Variants in TRIM37 observed in about 807,000 individuals in gnomAD.
TRIM37 encodes the protein E3 ubiquitin-protein ligase TRIM37.
Under a neutral mutation model 129.8 loss-of-function variants are expected in TRIM37, and 80 were observed. The ratio of observed to expected loss-of-function variants is 0.62; its 90% CI spans 0.51 to 0.74. TRIM37 has a LOEUF of 0.74. TRIM37 is among the 30% of genes least tolerant of loss of function. The pLI, the probability that TRIM37 is intolerant of heterozygous loss-of-function variation, is 0.00. For synonymous variants in TRIM37, 389 were observed against 387.1 expected, an observed-to-expected ratio of 1.00 and a Z score of -0.06; for missense variants, 1,054 against 1,176.5, an observed-to-expected ratio of 0.90 and a Z score of 1.52.
intron 17 of TRIM37, among the ~76,000 whole-genome samples, chr17:59,039,270 T>C (rs1271149534): frequency 1.3e-5 from 2 of 152,118 alleles, no homozygotes; most frequent in African/African-American, 2.4e-5. Flanking sequence ...TCAATTCCTA[T>C]GTTACCCTTC....
chr17:59,015,482 A>G (rs890899286), intron 21 of TRIM37, 128 bp downstream of exon 21: 1 of 975,474 alleles, frequency 1.0e-6, no homozygotes, highest in South Asian at 1.4e-5. Flanking sequence ...TAGTGCAATA[A>G]ATGTATTTTC....
intron 13 of TRIM37, among the ~76,000 whole-genome samples, chr17:59,052,132 A>G (rs991156923): frequency 2.6e-5 from 4 of 152,034 alleles, no homozygotes; most frequent in Non-Finnish European, 5.9e-5. Context: ...AGCTTAGGTT[A>G]GGAAAAAAAG....
intron 19 of TRIM37, among the ~76,000 whole-genome samples, chr17:59,024,719 T>A (rs1158980860): frequency 6.6e-6 from 1 of 152,218 alleles, no homozygotes; most frequent in Non-Finnish European, 1.5e-5. Context: ...TTTGTAGAGA[T>A]TAAGGTCTTG....
chr17:59,054,650 G>A (rs1370631188), intron 13 of TRIM37, among the ~76,000 whole-genome samples: 1 of 150,690 alleles, frequency 6.6e-6, no homozygotes, highest in East Asian at 2.0e-4. Flanking sequence ...GTTAAACAGG[G>A]CTGTTGTTTT....
At chr17:59,062,396 GACAA>G (rs1159310811) in intron 11 of TRIM37, among the ~76,000 whole-genome samples, 167 bp downstream of exon 11, 5 of 152,092 alleles carry the variant, frequency 3.3e-5, no homozygotes, top group East Asian at 1.9e-4. Context: ...ACAAGGTGTG[GACAA>G]ACAAACAGTT....
chr17:59,009,540 G>C (rs2034997047), intron 22 of TRIM37, among the ~76,000 whole-genome samples: 1 of 151,364 alleles, frequency 6.6e-6, no homozygotes, highest in Non-Finnish European at 1.5e-5. Context: ...CCGCCTCCCG[G>C]GTTCAAGCGA....
chr17:59,018,218 T>C (rs146016770), intron 19 of TRIM37, among the ~76,000 whole-genome samples: 28 of 152,038 alleles, frequency 1.8e-4, no homozygotes, highest in African/African-American at 6.5e-4. Flanking sequence ...ATTCAAAAGC[T>C]AGGAAGACAA....
chr17:58,977,816 C>T (rs916213043), downstream of TRIM37, among the ~76,000 whole-genome samples: 11 of 152,190 alleles, frequency 7.2e-5, no homozygotes, highest in Admixed American at 3.9e-4. Flanking sequence ...AATCTGGGCT[C>T]ACTGCAACCT....
intron 13 of TRIM37, among the ~76,000 whole-genome samples, chr17:59,051,691 C>A (rs2040360307): frequency 6.6e-6 from 1 of 151,922 alleles, no homozygotes; most frequent in Non-Finnish European, 1.5e-5. Context: ...GAAGATAACT[C>A]TTATCCCTTT....
At chr17:59,039,147 T>C (rs2038871991) in intron 17 of TRIM37, among the ~76,000 whole-genome samples, 1 of 152,192 alleles carries the variant, frequency 6.6e-6, no homozygotes, top group African/African-American at 2.4e-5. Flanking sequence ...GAAATGCATG[T>C]AACATGCATG....
chr17:59,050,635 T>C (rs890422166), intron 14 of TRIM37, among the ~76,000 whole-genome samples: 9 of 151,508 alleles, frequency 5.9e-5, no homozygotes, highest in African/African-American at 2.2e-4. Flanking sequence ...TTAGTGGAAA[T>C]TGTGCCTGGC....
intron 17 of TRIM37, among the ~76,000 whole-genome samples, chr17:59,037,353 T>C (rs987918455): frequency 1.3e-5 from 2 of 151,602 alleles, no homozygotes; most frequent in Non-Finnish European, 2.9e-5. Flanking sequence ...GATCAGGAGA[T>C]CGAGACCATC....
intron 24 of TRIM37, chr17:58,982,967 A>T: frequency 6.5e-7 from 1 of 1,541,278 alleles, no homozygotes; most frequent in Non-Finnish European, 8.8e-7. Context: ...GGTACACATT[A>T]TAGTCCAAAG....
downstream of TRIM37, among the ~76,000 whole-genome samples, chr17:58,996,563 G>C (rs1310134248): frequency 1.3e-5 from 2 of 151,658 alleles, no homozygotes; most frequent in Non-Finnish European, 2.9e-5. Flanking sequence ...GAGGCAGGGG[G>C]ATCACTTTGA....
In TRIM37 at chr17:58,998,426, C is replaced by T; in HGVS notation, c.*951G>A. ...TAATTTCCACAAATATATAGCAGCT[C>T]AAACACAAATGCAGGAGCACAATGG... On this transcript the variant is annotated 3_prime_UTR_variant, in exon 24 of 24. Coordinates refer to ENST00000262294, the MANE Select transcript of TRIM37 (RefSeq NM_015294.6). 1.0e-6 allele frequency: 1 copy of T among 985,356 alleles called. No individual in the cohort carries two copies. Among genetic ancestry groups the T allele is most frequent in the Non-Finnish European group, 1.2e-6 (1 of 829,920 alleles). 61.0% of individuals were successfully genotyped at this position (985,356 alleles called of 1,614,324 possible). A position where few individuals can be genotyped will look rare whatever the true frequency, so the allele number is the denominator to read the frequency against.
At chr17:59,101,014 C>T (rs1269880937) in intron 2 of TRIM37, among the ~76,000 whole-genome samples, 16 of 139,278 alleles carry the variant, frequency 1.1e-4, no homozygotes, top group Non-Finnish European at 2.0e-4. Flanking sequence ...AAGAGCAAAA[C>T]GCCGTCTCAA....
chr17:59,091,079 T>G (rs1335573375), intron 3 of TRIM37, among the ~76,000 whole-genome samples: 1 of 152,110 alleles, frequency 6.6e-6, no homozygotes, highest in Non-Finnish European at 1.5e-5. Flanking sequence ...AGTTATACAA[T>G]GATTTTCTGA....
chr17:59,076,440 C>G (rs951601346), intron 7 of TRIM37, among the ~76,000 whole-genome samples: 1 of 152,212 alleles, frequency 6.6e-6, no homozygotes, highest in Non-Finnish European at 1.5e-5. Flanking sequence ...ACTCAAGAGG[C>G]TGAGGCATGA....
At chr17:59,051,695 T>C (rs1053732315) in intron 13 of TRIM37, among the ~76,000 whole-genome samples, 1 of 151,998 alleles carries the variant, frequency 6.6e-6, no homozygotes, top group Non-Finnish European at 1.5e-5. Flanking sequence ...ATAACTCTTA[T>C]CCCTTTCTTC....
Sources: allele counts gnomAD v4.1 joint callset (sites outside exome capture counted in the v4.1 genomes callset), GRCh38; gene constraint gnomAD v4.1.1; transcripts MANE v1.5; gene names NCBI Gene and HGNC (gene_info 2026-07-23, HGNC 2026-07-21).